The following MGAT4C variants were observed in gnomAD, a reference collection of about 807,000 sequenced individuals.
The protein encoded by MGAT4C is MGAT4 family member C.
Under a neutral mutation model 40.1 loss-of-function variants are expected in MGAT4C, and 19 were observed. That is an observed-to-expected ratio of 0.47 (90% CI 0.33 to 0.70). MGAT4C has a LOEUF of 0.70. MGAT4C is among the 30% of genes least tolerant of loss of function. The probability of loss-of-function intolerance (pLI) is 0.02; values close to 1 mark genes in which losing one functional copy is unlikely to be tolerated. For missense variants in MGAT4C, 491 were observed against 563.2 expected, an observed-to-expected ratio of 0.87 and a Z score of 1.30; for synonymous variants, 181 against 187.1, an observed-to-expected ratio of 0.97 and a Z score of 0.27.
At chr12:86,443,511 T>G (rs529842095) in intron 2 of MGAT4C, among the ~76,000 whole-genome samples, 42 of 152,290 alleles carry the variant, frequency 2.8e-4, no homozygotes, top group African/African-American at 8.4e-4. Context: ...TAAACTTCAC[T>G]GAGAAAACAA....
Position 85,957,266 on chromosome 12 carries a change from A to G in MGAT4C, c.*22023T>C, listed in dbSNP as rs1158916968. The G allele has an allele frequency of 1.3e-5, 2 of 152,224 alleles. No individual in the cohort carries two copies. The highest frequency in any genetic ancestry group is 2.9e-5 in the Non-Finnish European group (2 of 68,040). 9.4% of individuals were successfully genotyped at this position (152,224 alleles called of 1,614,324 possible). On this transcript the variant is annotated 3_prime_UTR_variant, in exon 5 of 5. Coordinates refer to ENST00000611864, the MANE Select transcript of MGAT4C (RefSeq NM_001351288.2). ...CTTCATCTGTAAATAAAGTCATATT[A>G]TTTGTGAAAGACCAAGGCCAAGGAT...
chr12:86,330,404 T>A (rs1435334583), intron 4 of MGAT4C, among the ~76,000 whole-genome samples: 1 of 152,230 alleles, frequency 6.6e-6, no homozygotes, highest in African/African-American at 2.4e-5. Flanking sequence ...AAACTTTGAA[T>A]AAATAAATTT....
At chr12:86,435,755 C>G (rs1863495253) in intron 2 of MGAT4C, among the ~76,000 whole-genome samples, 1 of 151,830 alleles carries the variant, frequency 6.6e-6, no homozygotes, top group Non-Finnish European at 1.5e-5. Context: ...GAGTCTGAGA[C>G]CAGCTCTGCT....
chr12:86,571,945 T>C (rs1000109572), intron 2 of MGAT4C, among the ~76,000 whole-genome samples: 2 of 152,150 alleles, frequency 1.3e-5, no homozygotes, highest in Admixed American at 6.6e-5. Flanking sequence ...ATGTTTTATT[T>C]TAGGTCTAGA....
At chr12:86,728,577 G>C (rs1222584715) in intron 1 of MGAT4C, among the ~76,000 whole-genome samples, 1 of 152,154 alleles carries the variant, frequency 6.6e-6, no homozygotes, top group Non-Finnish European at 1.5e-5. Context: ...TGTAGTCCCA[G>C]CTGCTCGGGA....
At chr12:86,372,272 G>A (rs1462614547) in intron 3 of MGAT4C, among the ~76,000 whole-genome samples, 2 of 151,736 alleles carry the variant, frequency 1.3e-5, no homozygotes, top group African/African-American at 2.4e-5. Context: ...TATATTATGA[G>A]CTGCAAACCT....
chr12:86,090,358 G>A (rs1273335138), intron 1 of MGAT4C, among the ~76,000 whole-genome samples: 1 of 151,480 alleles, frequency 6.6e-6, no homozygotes, highest in East Asian at 1.9e-4. Context: ...TCTACCTTGA[G>A]ATATTTCATC....
chr12:86,099,688 T>C (rs117440990), intron 1 of MGAT4C, among the ~76,000 whole-genome samples: 1 of 151,528 alleles, frequency 6.6e-6, no homozygotes, highest in Non-Finnish European at 1.5e-5. Context: ...TGAATTTTTA[T>C]AGTGTGTATA....
In MGAT4C at chr12:86,365,028, C is replaced by T. The variant is rs551708631; in HGVS notation, c.-119-30901G>A. Among the ~76,000 whole-genome samples the T allele has an allele frequency of 1.1e-4, 16 of 152,208 alleles. No homozygotes were observed. The East Asian group carries it at 2.7e-3, about 26-fold the overall frequency. On this transcript the variant is annotated intron_variant, in intron 3 of 7. Coordinates refer to the MGAT4C transcript ENST00000548651. ...ATTTATTAGGTGGGAATTTCCTCGT[C>T]CTAATACGCCTGGGAGCACTACGGG... is the stretch of plus-strand genomic sequence containing the variant.
chr12:86,660,898 A>G (rs1963965665), intron 2 of MGAT4C, among the ~76,000 whole-genome samples: 1 of 152,202 alleles, frequency 6.6e-6, no homozygotes, highest in Non-Finnish European at 1.5e-5. Flanking sequence ...TTCTCATACA[A>G]TGAGTGAATG....
At chr12:86,012,984 A>C (rs1258886008) in intron 2 of MGAT4C, among the ~76,000 whole-genome samples, 1 of 151,440 alleles carries the variant, frequency 6.6e-6, no homozygotes, top group Admixed American at 6.6e-5. Context: ...AAAAAAAATT[A>C]GCCACGGTGG....
chr12:86,028,777 G>C (rs894027091), intron 2 of MGAT4C, among the ~76,000 whole-genome samples: 2 of 151,804 alleles, frequency 1.3e-5, no homozygotes, highest in Non-Finnish European at 2.9e-5. Flanking sequence ...ATAAAGATTG[G>C]GGGTAGGATT....
At chr12:86,233,190 G>C (rs995268968) in intron 1 of MGAT4C, among the ~76,000 whole-genome samples, 5 of 152,126 alleles carry the variant, frequency 3.3e-5, no homozygotes. Flanking sequence ...ATGGGTTTTA[G>C]AAAGGAAAGT....
intron 2 of MGAT4C, among the ~76,000 whole-genome samples, chr12:86,499,741 T>C (rs1328375080): frequency 6.6e-6 from 1 of 151,930 alleles, no homozygotes; most frequent in Admixed American, 6.6e-5. Flanking sequence ...AGTCAGAAAT[T>C]AGAATTTCTG....
chr12:86,122,197 A>G (rs560247264), intron 1 of MGAT4C, among the ~76,000 whole-genome samples: 1 of 152,294 alleles, frequency 6.6e-6, no homozygotes, highest in East Asian at 1.9e-4. Flanking sequence ...TTCATTGTAT[A>G]TAAGTTATGA....
chr12:86,470,554 T>C (rs974113159), intron 2 of MGAT4C, among the ~76,000 whole-genome samples: 47 of 152,276 alleles, frequency 3.1e-4, no homozygotes, highest in Admixed American at 2.8e-3. Flanking sequence ...TGCAGCTTAT[T>C]TGCTTTTTTA....
chr12:86,455,098 C>T (rs1011643702), intron 2 of MGAT4C, among the ~76,000 whole-genome samples: 7 of 151,988 alleles, frequency 4.6e-5, no homozygotes, highest in African/African-American at 1.7e-4. Context: ...TTAGGATGCC[C>T]TTGTATCATT....
intron 1 of MGAT4C, among the ~76,000 whole-genome samples, chr12:86,189,927 C>A (rs1435998357): frequency 6.6e-6 from 1 of 151,964 alleles, no homozygotes; most frequent in Non-Finnish European, 1.5e-5. Flanking sequence ...GATCTCAGCA[C>A]CCCCTTGTTC....
At chr12:86,452,197 C>CT (rs1375127567) in intron 2 of MGAT4C, among the ~76,000 whole-genome samples, 149 of 144,580 alleles carry the variant, frequency 1.0e-3, no homozygotes, top group East Asian at 3.0e-3. Flanking sequence ...TTTTTTTTTT[C>CT]TTTTTTTTTT....
Sources: gnomAD v4.1 joint callset for allele counts (sites outside exome capture counted in the v4.1 genomes callset) on GRCh38, gnomAD v4.1.1 for gene constraint, MANE v1.5 for transcripts, NCBI Gene and HGNC (gene_info 2026-07-23, HGNC 2026-07-21) for gene names.